Variants in DAAM1 observed in about 807,000 individuals in gnomAD.
DAAM1 encodes the protein dishevelled associated activator of morphogenesis 1.
DAAM1 carries 52 observed loss-of-function variants against 130.0 expected under a neutral mutation model. That is an observed-to-expected ratio of 0.40 (90% CI 0.32 to 0.50). DAAM1 has a LOEUF of 0.50. Ranked by LOEUF, DAAM1 falls within the 20% of genes least tolerant of loss-of-function variation. The probability of loss-of-function intolerance (pLI) is 0.61; values close to 1 mark genes in which losing one functional copy is unlikely to be tolerated. For missense variants in DAAM1, 1,134 were observed against 1,303.8 expected (o/e 0.87, Z 2.01); for synonymous variants, 452 against 444.5 (o/e 1.02, Z -0.21).
chr14:59,195,747 A>G lies in DAAM1; in HGVS notation c.-38+6979A>G, dbSNP rs72726329. 3.5e-3 allele frequency among the ~76,000 whole-genome samples: 526 copies of G among 152,166 alleles called. 6 individuals are homozygous for G. The highest frequency in any genetic ancestry group is 0.032 in the South Asian group (152 of 4,816). ...AGATGCCCATCTTTTATTTTCTGAG[A>G]TAGGTTCTTATATTCTGGCTTGTTG... On this transcript the variant is annotated intron_variant, in intron 1 of 24. Transcript: ENST00000360909.
At chr14:59,348,582 T>A (rs751328797) in intron 17 of DAAM1, among the ~76,000 whole-genome samples, 5 of 152,206 alleles carry the variant, frequency 3.3e-5, no homozygotes, top group Admixed American at 1.3e-4. Context: ...TAGAGCCAGG[T>A]CTACCTAAGG....
At chr14:59,235,678 C>A (rs900736556) in intron 1 of DAAM1, among the ~76,000 whole-genome samples, 2 of 152,066 alleles carry the variant, frequency 1.3e-5, no homozygotes, top group African/African-American at 4.8e-5. Flanking sequence ...TTGTTTTCTG[C>A]TAGTTTTTGA....
chr14:59,338,384 G>C, intron 15 of DAAM1: 1 of 1,613,650 alleles, frequency 6.2e-7, no homozygotes, highest in Non-Finnish European at 8.5e-7. Context: ...CATGGCTGTA[G>C]GATTTCTTTG....
At chr14:59,366,221 C>CT (rs1433960467) in intron 23 of DAAM1, among the ~76,000 whole-genome samples, 2 of 151,816 alleles carry the variant, frequency 1.3e-5, no homozygotes, top group South Asian at 2.1e-4. Context: ...TACCCCATAT[C>CT]TTTTTAAAAA....
intron 17 of DAAM1, among the ~76,000 whole-genome samples, chr14:59,352,000 A>G (rs913847053): frequency 1.3e-5 from 2 of 152,260 alleles, no homozygotes; most frequent in Admixed American, 1.3e-4. Flanking sequence ...GGAAGGGGAA[A>G]AAAAAAGATT....
intron 15 of DAAM1, among the ~76,000 whole-genome samples, chr14:59,336,882 C>T (rs929861488): frequency 1.3e-5 from 2 of 152,160 alleles, no homozygotes; most frequent in East Asian, 1.9e-4. Flanking sequence ...CAACGCATTA[C>T]GTGATTGTCA....
intron 2 of DAAM1, among the ~76,000 whole-genome samples, chr14:59,266,520 C>G (rs1340283694): frequency 6.6e-6 from 1 of 152,240 alleles, no homozygotes; most frequent in Non-Finnish European, 1.5e-5. Context: ...TGAAAATTGC[C>G]TACAGCTGCT....
At chr14:59,239,876 A>C (rs1273150) in intron 1 of DAAM1, among the ~76,000 whole-genome samples, 20,533 of 152,154 alleles carry the variant, frequency 0.13, 1,573 homozygotes, top group Middle Eastern at 0.19. Flanking sequence ...ATACATACCG[A>C]AACTTGAATT....
chr14:59,189,055 T>A (rs937362911), intron 1 of DAAM1, among the ~76,000 whole-genome samples: 2 of 152,190 alleles, frequency 1.3e-5, no homozygotes, highest in African/African-American at 4.8e-5. Context: ...CCCCAAGGAC[T>A]GGGGTCCCTC....
chr14:59,320,925 A>C (rs776441586), intron 5 of DAAM1, among the ~76,000 whole-genome samples: 1 of 152,140 alleles, frequency 6.6e-6, no homozygotes, highest in Non-Finnish European at 1.5e-5. Context: ...TGTTAAATAT[A>C]GTGTTGCCAT....
At chr14:59,246,115 G>A (rs1881357520) in intron 1 of DAAM1, among the ~76,000 whole-genome samples, 2 of 152,118 alleles carry the variant, frequency 1.3e-5, no homozygotes, top group African/African-American at 4.8e-5. Flanking sequence ...CCATTTTTCT[G>A]TGTACAGTTC....
At chr14:59,315,453 G>A in intron 4 of DAAM1, 102 bp downstream of exon 4, 1 of 1,083,018 alleles carries the variant, frequency 9.2e-7, no homozygotes, top group South Asian at 1.5e-5. Context: ...CCTACCAAAT[G>A]TCAGTACCTT....
chr14:59,199,323 C>T lies in DAAM1; in HGVS notation c.-38+10555C>T, dbSNP rs75694079. 7.5e-3 allele frequency among the ~76,000 whole-genome samples: 1,142 copies of T among 152,234 alleles called. 14 individuals carry two copies. Among genetic ancestry groups the T allele is most frequent in the African/African-American group, 0.026 (1,072 of 41,504 alleles). ...TAAATTTGACATGAGGTCTTGAACT[C>T]CTGGCCTCAAGCAATCCTCCCGCCT... is the stretch of plus-strand genomic sequence containing the variant. On this transcript the variant is annotated intron_variant, in intron 1 of 24. Transcript: ENST00000360909.
intron 3 of DAAM1, among the ~76,000 whole-genome samples, chr14:59,299,403 A>G (rs1418995263): frequency 1.3e-5 from 2 of 152,192 alleles, no homozygotes; most frequent in Admixed American, 6.5e-5. Context: ...AAATGTAATA[A>G]TATGGTTTAG....
intron 1 of DAAM1, among the ~76,000 whole-genome samples, chr14:59,238,740 A>C (rs61986027): frequency 6.6e-6 from 1 of 152,174 alleles, no homozygotes; most frequent in Non-Finnish European, 1.5e-5. Flanking sequence ...ATGAAACACT[A>C]TAATATTACT....
chr14:59,264,559 T>A (rs1882344484), intron 2 of DAAM1: 1 of 152,202 alleles, frequency 6.6e-6, no homozygotes, highest in Non-Finnish European at 1.5e-5. Flanking sequence ...GCCTGGCCTT[T>A]AAACATGCTT....
chr14:59,344,141 C>T (rs1016312958), intron 16 of DAAM1, among the ~76,000 whole-genome samples: 3 of 152,228 alleles, frequency 2.0e-5, no homozygotes, highest in South Asian at 2.1e-4. Context: ...AGTGTTCTGC[C>T]GTTCTTTTTT....
At position 59,367,496 on chromosome 14, in the gene DAAM1, T is replaced by C; in HGVS notation, c.2894T>C (p.Ile965Thr). Residue 965 changes from isoleucine to threonine, a missense_variant, in exon 24 of 25, where the codon ATT (isoleucine) becomes ACT (threonine). By Grantham distance (89) the Ile-to-Thr change is moderately conservative. This residue lies in a region of DAAM1 where 644 missense variants were observed against 695.9 expected (regional missense o/e 0.93). Transcript: ENST00000360909. ...GKIQPDEFFG[I>T]FDQFLQAVSE... ...ATACAACCAGATGAGTTCTTTGGCA[T>C]TTTTGATCAATTTCTTCAAGCTGTG... The C allele has an allele frequency of 6.2e-7, 1 of 1,613,884 alleles. No individual in the cohort carries two copies. Among genetic ancestry groups the C allele is most frequent in the Non-Finnish European group, 8.5e-7 (1 of 1,179,854 alleles).
At chr14:59,365,391 A>G (rs1408191537) in intron 23 of DAAM1, among the ~76,000 whole-genome samples, 1 of 152,192 alleles carries the variant, frequency 6.6e-6, no homozygotes, top group Non-Finnish European at 1.5e-5. Flanking sequence ...GTTAGCATAT[A>G]AAACCATGGA....
Sources: gnomAD v4.1 joint callset for allele counts (sites outside exome capture counted in the v4.1 genomes callset) on GRCh38, gnomAD v4.1.1 for gene constraint, gnomAD v4.1.1 regional missense constraint, MANE v1.5 for transcripts, NCBI Gene and HGNC (gene_info 2026-07-23, HGNC 2026-07-21) for gene names.